Variants in UNC79 observed in about 807,000 individuals in gnomAD.
The protein encoded by UNC79 is unc-79 subunit of NALCN channel complex.
In UNC79, 37 loss-of-function variants were observed where a neutral mutation model predicts 283.1. The ratio of observed to expected loss-of-function variants is 0.13; its 90% CI spans 0.10 to 0.17. UNC79 has a LOEUF of 0.17. Among genes scored for constraint, UNC79 ranks in the 10% least tolerant of loss-of-function variants. UNC79 has a pLI of 1.00. For synonymous variants in UNC79, 1,107 were observed against 1,200.2 expected (o/e 0.92, Z 1.61); for missense variants, 2,272 against 3,211.1 (o/e 0.71, Z 7.07).
chr14:93,540,902 C>A, intron 13 of UNC79, 71 bp downstream of exon 13: 1 of 1,588,288 alleles, frequency 6.3e-7, no homozygotes, highest in South Asian at 1.1e-5. Context: ...AGAGGAATTT[C>A]TCCTGTTCTT....
downstream of UNC79, chr14:93,707,043 C>A (rs938591148): frequency 3.0e-6 from 3 of 992,430 alleles, no homozygotes; most frequent in African/African-American, 3.3e-5. Context: ...TGTGCAAAGG[C>A]CAGAGAGGGC....
At chr14:93,503,880 CT>C in intron 7 of UNC79, among the ~76,000 whole-genome samples, 1 of 151,904 alleles carries the variant, frequency 6.6e-6, no homozygotes, top group East Asian at 1.9e-4. Flanking sequence ...AATTATAATG[CT>C]TTTTTGTCAT....
chr14:93,394,873 G>A (rs1288101774), intron 1 of UNC79, among the ~76,000 whole-genome samples: 2 of 152,038 alleles, frequency 1.3e-5, no homozygotes, highest in Non-Finnish European at 2.9e-5. Flanking sequence ...CACCATGCCT[G>A]GCTAATTTTT....
chr14:93,432,047 C>A (rs553970347), intron 1 of UNC79, among the ~76,000 whole-genome samples: 50 of 152,304 alleles, frequency 3.3e-4, no homozygotes, highest in South Asian at 2.5e-3. Flanking sequence ...CTCCTTTCTT[C>A]CAAAGCAGTA....
chr14:93,402,014 A>G (rs954601036), intron 1 of UNC79, among the ~76,000 whole-genome samples: 1 of 152,218 alleles, frequency 6.6e-6, no homozygotes, highest in African/African-American at 2.4e-5. Context: ...ATGGTGGCTC[A>G]TGCCTGTAAT....
chr14:93,572,012 T>C (rs764666765), exon 15 of UNC79: 2 of 1,614,074 alleles, frequency 1.2e-6, no homozygotes, highest in Admixed American at 1.7e-5. Context: ...GAGTGTATTA[T>C]GCCGGAATGG....
chr14:93,576,615 C>T (rs1489010813), intron 17 of UNC79, among the ~76,000 whole-genome samples: 2 of 152,098 alleles, frequency 1.3e-5, no homozygotes, highest in African/African-American at 4.8e-5. Context: ...GGACAAGACA[C>T]CTAGAGTCCA....
intron 1 of UNC79, among the ~76,000 whole-genome samples, chr14:93,364,215 T>C (rs1158057976): frequency 6.6e-6 from 1 of 152,136 alleles, no homozygotes; most frequent in Non-Finnish European, 1.5e-5. Flanking sequence ...AAACAGAACA[T>C]TACCAAGACC....
At chr14:93,434,123 G>T (rs1361460138) in intron 1 of UNC79, among the ~76,000 whole-genome samples, 2 of 151,936 alleles carry the variant, frequency 1.3e-5, no homozygotes, top group African/African-American at 4.8e-5. Flanking sequence ...TGAGGCAGGA[G>T]AATCACCTGA....
At chr14:93,706,983 G>C, downstream of UNC79, 1 of 1,530,508 alleles carries the variant, frequency 6.5e-7, no homozygotes, top group Non-Finnish European at 9.0e-7. Context: ...ATCCAAGCAG[G>C]TTGGGGAACA....
upstream of UNC79, among the ~76,000 whole-genome samples, chr14:93,426,244 T>C (rs1041994167): frequency 6.6e-6 from 1 of 152,052 alleles, no homozygotes; most frequent in Non-Finnish European, 1.5e-5. Context: ...TATCATTCTC[T>C]GGTTGGTTCC....
chr14:93,690,754 G>GTTTTT lies in UNC79; in HGVS notation c.7272+451_7272+452insTTTTT. 1 of 163,294 alleles carries GTTTTT rather than the reference G, an allele frequency of 6.1e-6. No individual in the cohort carries two copies. The highest frequency in any genetic ancestry group is 6.0e-5 in the Admixed American group (1 of 16,670). The allele number at this position is 163,294 out of a possible 1,614,324, so 10.1% of individuals were successfully genotyped here. Reference sequence around the variant, plus strand: ...AAATGAAAACAAGAAGGCCAGTTGGGAACTCACTAAAGCACACATTGGCAT... The same window carrying GTTTTT: ...AAATGAAAACAAGAAGGCCAGTTGGGTTTTTAACTCACTAAAGCACACATTGGCAT... On this transcript the variant is annotated intron_variant, in intron 45 of 48. Transcript: ENST00000555664. The surrounding 1 kb of genome is among the most constrained non-coding windows in gnomAD (Gnocchi z 4.3).
At chr14:93,333,616 C>T (rs1410104489) in intron 1 of UNC79, 12 of 392,706 alleles carry the variant, frequency 3.1e-5, no homozygotes, top group Non-Finnish European at 4.9e-5. Context: ...GAAAAGTTTT[C>T]CTTAACAAGA....
At chr14:93,511,002 T>C (rs556293348) in intron 7 of UNC79, among the ~76,000 whole-genome samples, 1 of 152,322 alleles carries the variant, frequency 6.6e-6, no homozygotes, top group East Asian at 1.9e-4. Flanking sequence ...TTCTGTGGGT[T>C]ATATTGGCTT....
At chr14:93,470,447 T>C (rs2057443688) in intron 2 of UNC79, among the ~76,000 whole-genome samples, 4 of 152,198 alleles carry the variant, frequency 2.6e-5, no homozygotes, top group African/African-American at 9.6e-5. Flanking sequence ...ATAATTAGAC[T>C]CAAATTTGTG....
At chr14:93,363,655 G>T (rs982947540) in intron 1 of UNC79, among the ~76,000 whole-genome samples, 4 of 152,142 alleles carry the variant, frequency 2.6e-5, no homozygotes, top group Admixed American at 2.6e-4. Context: ...CCAGTGTTGG[G>T]TGAACATATA....
At chr14:93,413,478 A>C (rs2055379806) in intron 1 of UNC79, among the ~76,000 whole-genome samples, 1 of 148,088 alleles carries the variant, frequency 6.8e-6, no homozygotes. Flanking sequence ...ATAGTGCTGC[A>C]ATAAACATAC....
chr14:93,510,545 T>C (rs893991826), intron 7 of UNC79, among the ~76,000 whole-genome samples: 4 of 152,226 alleles, frequency 2.6e-5, no homozygotes, highest in Non-Finnish European at 5.9e-5. Flanking sequence ...AAATTTCTTC[T>C]GACAGATACC....
At chr14:93,640,796 A>G (rs55950134) in intron 32 of UNC79, among the ~76,000 whole-genome samples, 2,725 of 152,302 alleles carry the variant, frequency 0.018, 101 homozygotes, top group African/African-American at 0.063. Flanking sequence ...ATTTATGCCT[A>G]CAAATAAGAA....
Sources: allele counts gnomAD v4.1 joint callset (sites outside exome capture counted in the v4.1 genomes callset), GRCh38; gene constraint gnomAD v4.1.1; non-coding constraint Gnocchi (gnomAD v3.1); transcripts MANE v1.5; gene names NCBI Gene and HGNC (gene_info 2026-07-23, HGNC 2026-07-21).